The following NTM variants were observed in gnomAD, a reference collection of about 807,000 sequenced individuals.
NTM encodes IgLON family member 2.
In NTM, 13 loss-of-function variants were observed where a neutral mutation model predicts 42.1. The observed-to-expected ratio is 0.31, with a 90% confidence interval of 0.20 to 0.49. The LOEUF (loss-of-function observed/expected upper bound fraction) is 0.49. Ranked by LOEUF, NTM falls within the 20% of genes least tolerant of loss-of-function variation. NTM has a pLI of 0.99. For missense variants in NTM, 373 were observed against 452.8 expected (o/e 0.82, Z 1.60); for synonymous variants, 187 against 179.2 (o/e 1.04, Z -0.35).
At chr11:131,976,822 A>G (rs886929191) in intron 2 of NTM, among the ~76,000 whole-genome samples, 1 of 152,220 alleles carries the variant, frequency 6.6e-6, no homozygotes, top group Non-Finnish European at 1.5e-5. Context: ...GTGCTACATG[A>G]TAACACAGCC....
chr11:131,395,862 T>A (rs1944494258), intron 1 of NTM, among the ~76,000 whole-genome samples: 1 of 152,166 alleles, frequency 6.6e-6, no homozygotes, highest in African/African-American at 2.4e-5. Context: ...TTGTCTAGAT[T>A]TATCTTCTAA....
chr11:132,107,551 G>A (rs1054111466), intron 2 of NTM, among the ~76,000 whole-genome samples: 9 of 149,348 alleles, frequency 6.0e-5, no homozygotes, highest in African/African-American at 2.2e-4. Context: ...AATTTTTTTT[G>A]TAAAGACAGT....
intron 2 of NTM, among the ~76,000 whole-genome samples, chr11:131,971,912 G>A (rs1405742490): frequency 1.3e-5 from 2 of 151,896 alleles, no homozygotes; most frequent in Non-Finnish European, 2.9e-5. Context: ...CGAGTGTGGT[G>A]GTGGGCGCCT....
intron 1 of NTM, among the ~76,000 whole-genome samples, chr11:131,555,366 T>G (rs1179323217): frequency 6.6e-6 from 1 of 152,152 alleles, no homozygotes; most frequent in Non-Finnish European, 1.5e-5. Context: ...TTGGACAGGG[T>G]TGTCATTGGG....
At chr11:131,473,503 T>C (rs1952643113) in intron 1 of NTM, among the ~76,000 whole-genome samples, 1 of 152,198 alleles carries the variant, frequency 6.6e-6, no homozygotes, top group Non-Finnish European at 1.5e-5. Flanking sequence ...CACGTAAAGA[T>C]AGCTTTTCTC....
chr11:131,758,156 C>T (rs2083583730), intron 1 of NTM, among the ~76,000 whole-genome samples: 1 of 152,158 alleles, frequency 6.6e-6, no homozygotes, highest in South Asian at 2.1e-4. Context: ...TTCACTCTAT[C>T]CTCGTCGGTG....
At chr11:132,018,986 A>G (rs937761219) in intron 2 of NTM, among the ~76,000 whole-genome samples, 12 of 151,880 alleles carry the variant, frequency 7.9e-5, no homozygotes, top group Non-Finnish European at 1.0e-4. Flanking sequence ...AAATTATCTA[A>G]TTTGTCGGCA....
At chr11:132,293,676 GT>G (rs34368571) in intron 4 of NTM, among the ~76,000 whole-genome samples, 4,583 of 147,382 alleles carry the variant, frequency 0.031, 225 homozygotes, top group African/African-American at 0.1. Context: ...GAAATGTAAG[GT>G]TTTTTTTTTT....
rs541331719 is a variant in NTM at position 131,391,340 on chromosome 11, C to G, written c.82+20452C>G. Among the ~76,000 whole-genome samples the G allele has an allele frequency of 2.6e-5, 4 of 152,194 alleles. No individual in the cohort carries two copies. In the South Asian group the frequency reaches 8.3e-4, roughly 32 times the overall value. On this transcript the variant is annotated intron_variant, in intron 1 of 8. Transcript: ENST00000683400. Reference sequence around the variant, plus strand: ...CAAAGCAACTACCAGCCTGGCAGGGCCCCAGCTCTCCACTGCCAAGCTTGG... The same window carrying G: ...CAAAGCAACTACCAGCCTGGCAGGGGCCCAGCTCTCCACTGCCAAGCTTGG...
intron 1 of NTM, among the ~76,000 whole-genome samples, chr11:131,560,386 C>T (rs1018838872): frequency 6.6e-6 from 1 of 152,106 alleles, no homozygotes; most frequent in African/African-American, 2.4e-5. Flanking sequence ...AGGTCGTAGC[C>T]AGAATATATG....
At chr11:132,087,781 C>T (rs570865463) in intron 2 of NTM, among the ~76,000 whole-genome samples, 1 of 151,958 alleles carries the variant, frequency 6.6e-6, no homozygotes, top group Admixed American at 6.6e-5. Context: ...GGGGGAAGAA[C>T]CTTTTGTTCC....
intron 8 of NTM, 103 bp from the exon 9 acceptor site, chr11:132,334,943 T>C (rs2136517639): frequency 6.5e-7 from 1 of 1,527,856 alleles, no homozygotes; most frequent in Non-Finnish European, 8.8e-7. Context: ...CTTAGAGGGA[T>C]GACTCACCAG....
In NTM at chr11:132,288,862, C is replaced by A. The variant is rs554711529; in HGVS notation, c.527-18827C>A. On this transcript the variant is annotated intron_variant, in intron 4 of 8. Transcript: ENST00000683400. ...TCTTGAACTCCTGGCCTCAGGTGAT[C>A]CACCCGCCTCAGCCTCCCAAAGTGC... Among the ~76,000 whole-genome samples the A allele has an allele frequency of 5.2e-4, 79 of 152,266 alleles. No homozygotes were observed. In the South Asian group the frequency reaches 0.014, roughly 26 times the overall value.
intron 4 of NTM, among the ~76,000 whole-genome samples, chr11:132,266,343 C>T (rs1433043057): frequency 1.3e-5 from 2 of 152,176 alleles, no homozygotes; most frequent in African/African-American, 2.4e-5. Context: ...CTCTTGTTGC[C>T]AGTGTGGAGT....
intron 1 of NTM, among the ~76,000 whole-genome samples, chr11:131,695,684 T>C (rs1258616701): frequency 6.6e-6 from 1 of 152,068 alleles, no homozygotes; most frequent in Non-Finnish European, 1.5e-5. Context: ...CCTTGAGAAC[T>C]AGGGGATGGA....
At chr11:132,268,617 G>T (rs1214493164) in intron 4 of NTM, among the ~76,000 whole-genome samples, 1 of 150,858 alleles carries the variant, frequency 6.6e-6, no homozygotes, top group African/African-American at 2.4e-5. Context: ...TCTCCTCTGT[G>T]TGTGTGTGTG....
intron 2 of NTM, among the ~76,000 whole-genome samples, chr11:131,990,164 T>C (rs1161883129): frequency 6.6e-6 from 1 of 152,108 alleles, no homozygotes; most frequent in Admixed American, 6.6e-5. Context: ...TGGAATTATT[T>C]TTAAACGTTT....
At chr11:131,768,140 G>C (rs1291731087) in intron 1 of NTM, among the ~76,000 whole-genome samples, 1 of 71,782 alleles carries the variant, frequency 1.4e-5, no homozygotes, top group Non-Finnish European at 2.9e-5. Context: ...TTTTTTTTTT[G>C]AGACGGAGTC....
intron 1 of NTM, among the ~76,000 whole-genome samples, chr11:131,839,510 T>G (rs1027837339): frequency 3.3e-5 from 5 of 152,160 alleles, no homozygotes; most frequent in African/African-American, 1.2e-4. Flanking sequence ...CTGCTCAGTG[T>G]GCAGCAAGGT....
Sources: gnomAD v4.1 joint callset for allele counts (sites outside exome capture counted in the v4.1 genomes callset) on GRCh38, gnomAD v4.1.1 for gene constraint, MANE v1.5 for transcripts, NCBI Gene and HGNC (gene_info 2026-07-23, HGNC 2026-07-21) for gene names.